ZBTB20: variants seen among roughly 807,000 people sequenced by gnomAD.
ZBTB20 encodes the protein zinc finger and BTB domain-containing protein 20.
ZBTB20 carries 9 observed loss-of-function variants against 56.9 expected under a neutral mutation model. The observed-to-expected ratio is 0.16, with a 90% CI of 0.10 to 0.28. The LOEUF (loss-of-function observed/expected upper bound fraction) is 0.28. Ranked by LOEUF, ZBTB20 falls within the 10% of genes least tolerant of loss-of-function variation. The pLI is 1.00. For synonymous variants in ZBTB20, 417 were observed against 420.7 expected (o/e 0.99, Z 0.11); for missense variants, 655 against 1,003.0 (o/e 0.65, Z 4.69).
At position 114,576,501 on chromosome 3, in the gene ZBTB20, C is replaced by CAAAAAAA. The variant is rs61714991; in HGVS notation, c.-294-76117_-294-76111dup. On this transcript the variant is annotated intron_variant, in intron 6 of 11. Coordinates refer to ENST00000675478, the MANE Select transcript of ZBTB20 (RefSeq NM_001348800.3). The stretch of plus-strand genomic sequence containing the variant: ...TGGGTGACAGAGCAAGACTCCGTCT[C>CAAAAAAA]AAAAAAAAAAAAAAAAAAAAAAAAA... 3.7e-4 allele frequency among the ~76,000 whole-genome samples: 9 copies of CAAAAAAA among 24,112 alleles called. 1 individual carries two copies. The highest frequency in any genetic ancestry group is 6.5e-4 in the Admixed American group (1 of 1,528). The allele number at this position is 24,112 out of a possible 152,430, so 15.8% of individuals were successfully genotyped here.
At chr3:114,831,854 G>A (rs1165672159) in intron 4 of ZBTB20, among the ~76,000 whole-genome samples, 1 of 151,998 alleles carries the variant, frequency 6.6e-6, no homozygotes, top group East Asian at 1.9e-4. Flanking sequence ...GAATGGGACT[G>A]TACCTCTGCC....
chr3:114,787,375 A>ACACACACACACACACAC (rs2070615154), intron 5 of ZBTB20, among the ~76,000 whole-genome samples: 1 of 143,036 alleles, frequency 7.0e-6, no homozygotes, highest in Non-Finnish European at 1.5e-5. Context: ...ATATACACAC[A>ACACACACACACACACAC]CACACACACA....
At chr3:114,843,685 A>T (rs538051189) in intron 4 of ZBTB20, among the ~76,000 whole-genome samples, 91 of 150,476 alleles carry the variant, frequency 6.0e-4, no homozygotes, top group East Asian at 9.8e-4. Context: ...ATATATATAT[A>T]TTTTTTTTTG....
rs1217505282 is a variant in ZBTB20 at position 114,319,813 on chromosome 3, T to TATATATATATATAAGCATATAC, written c.*19191_*19192insGTATATGCTTATATATATATAT. The TATATATATATATAAGCATATAC allele has an allele frequency of 0.081, 7 of 86 alleles. No homozygotes were observed. The highest frequency in any genetic ancestry group is 0.31 in the Non-Finnish European group (5 of 16). The allele number at this position is 86 out of a possible 1,614,324, so 0.0% of individuals were successfully genotyped here. A position where few individuals can be genotyped will look rare whatever the true frequency, so the allele number is the denominator to read the frequency against. On this transcript the variant is annotated 3_prime_UTR_variant, in exon 12 of 12. Transcript: ENST00000675478. ...AAAACCACTTTCTCAAGCATATACA[T>TATATATATATATAAGCATATAC]ATATATATATATATAAGCATATACA...
At chr3:115,110,675 T>C (rs2083852459) in intron 1 of ZBTB20, among the ~76,000 whole-genome samples, 1 of 152,116 alleles carries the variant, frequency 6.6e-6, no homozygotes, top group African/African-American at 2.4e-5. Context: ...AGTTTATATC[T>C]CAATGAAGAG....
Position 114,626,335 on chromosome 3 carries a change from T to A in ZBTB20, c.-295+67193A>T, listed in dbSNP as rs79045111. Among the ~76,000 whole-genome samples, 592 of 152,314 alleles carry A rather than the reference T, an allele frequency of 3.9e-3. 3 individuals carry two copies. Among genetic ancestry groups the A allele is most frequent in the African/African-American group, 0.014 (572 of 41,562 alleles). The stretch of plus-strand genomic sequence containing the variant: ...CTCTCTCTTTGAAATGGAAATAATA[T>A]TATCATCCTCATGGAATCATTGTAA... On this transcript the variant is annotated intron_variant, in intron 6 of 11. Transcript: ENST00000675478.
chr3:114,493,953 G>A (rs373162946), intron 7 of ZBTB20, among the ~76,000 whole-genome samples: 1 of 152,088 alleles, frequency 6.6e-6, no homozygotes, highest in Non-Finnish European at 1.5e-5. Context: ...TTTGGCTGAG[G>A]CTTTTAAGAC....
chr3:114,493,623 C>T (rs940296950), intron 7 of ZBTB20, among the ~76,000 whole-genome samples: 11 of 152,190 alleles, frequency 7.2e-5, no homozygotes, highest in Admixed American at 3.3e-4. Flanking sequence ...TGCCTGGAAT[C>T]CTCTTCCACC....
At chr3:114,712,594 GGT>G (rs2064166754) in intron 5 of ZBTB20, among the ~76,000 whole-genome samples, 1 of 151,194 alleles carries the variant, frequency 6.6e-6, no homozygotes, top group Non-Finnish European at 1.5e-5. Context: ...CGGAGGTTGT[GGT>G]GAGCCGAGAT....
chr3:114,944,744 T>G (rs909481991), intron 3 of ZBTB20, among the ~76,000 whole-genome samples: 1 of 145,500 alleles, frequency 6.9e-6, no homozygotes. Flanking sequence ...AGACAAATAC[T>G]GCATGATCTC....
intron 1 of ZBTB20, among the ~76,000 whole-genome samples, chr3:115,125,164 A>C (rs1251508353): frequency 6.6e-6 from 1 of 152,038 alleles, no homozygotes; most frequent in Non-Finnish European, 1.5e-5. Flanking sequence ...CAACACAGTA[A>C]GACCCCACCT....
chr3:114,350,928 C>T lies in ZBTB20; in HGVS notation c.1150G>A (p.Gly384Ser). Residue 384 changes from glycine to serine, a missense_variant, in exon 11 of 12, where the codon GGC (glycine) becomes AGC (serine). Physicochemically the swap from Gly to Ser is moderately conservative, Grantham distance 56 (BLOSUM62 0). Coordinates refer to ENST00000675478, the MANE Select transcript of ZBTB20 (RefSeq NM_001348800.3). ...TGCTCCACCGAGTCAGGCTCGGTGC[C>T]TATGGAGGAGCTGACGCCCGAGTCG... Reference protein sequence around the residue: ...SFDSGVSSSIGTEPDSVEQQF... With the variant: ...SFDSGVSSSISTEPDSVEQQF... The T allele has an allele frequency of 1.2e-6, 2 of 1,606,022 alleles. No homozygotes were observed. The highest frequency in any genetic ancestry group is 1.7e-6 in the Non-Finnish European group (2 of 1,179,872).
At chr3:114,341,852 C>G (rs916949682) in intron 11 of ZBTB20, among the ~76,000 whole-genome samples, 1 of 152,174 alleles carries the variant, frequency 6.6e-6, no homozygotes, top group Non-Finnish European at 1.5e-5. Context: ...GACTGCAACC[C>G]CTGAGGACTC....
At chr3:115,080,337 T>C (rs2082752803) in intron 1 of ZBTB20, among the ~76,000 whole-genome samples, 1 of 152,178 alleles carries the variant, frequency 6.6e-6, no homozygotes, top group South Asian at 2.1e-4. Flanking sequence ...AAGCTGTCCA[T>C]GGTCTTACAA....
chr3:115,026,988 AGCATTACCTTTT>A (rs1042906572), intron 2 of ZBTB20, among the ~76,000 whole-genome samples: 11 of 150,966 alleles, frequency 7.3e-5, no homozygotes, highest in Admixed American at 6.6e-4. Context: ...AATTTTATAT[AGCATTACCTTTT>A]CTAAAAAAAG....
At chr3:115,124,676 A>C (rs929824044) in intron 1 of ZBTB20, among the ~76,000 whole-genome samples, 6 of 152,184 alleles carry the variant, frequency 3.9e-5, no homozygotes, top group African/African-American at 1.2e-4. Flanking sequence ...AGAGCCTATA[A>C]ACAGGCCCTT....
intron 5 of ZBTB20, among the ~76,000 whole-genome samples, chr3:114,728,908 C>T (rs186008275): frequency 1.3e-5 from 2 of 151,934 alleles, no homozygotes; most frequent in Non-Finnish European, 1.5e-5. Context: ...CTTTTCATGT[C>T]CTCAGGGGAG....
chr3:115,026,884 T>C (rs911762939), intron 2 of ZBTB20, among the ~76,000 whole-genome samples: 8 of 150,750 alleles, frequency 5.3e-5, no homozygotes, highest in African/African-American at 1.7e-4. Flanking sequence ...TCACCTGTTG[T>C]CAACCACAGG....
At chr3:114,539,881 T>C (rs1302360464) in intron 6 of ZBTB20, among the ~76,000 whole-genome samples, 7 of 150,898 alleles carry the variant, frequency 4.6e-5, no homozygotes, top group Admixed American at 1.3e-4. Flanking sequence ...CTTCTCTTAG[T>C]TGTAAATTGC....
Sources: gnomAD v4.1 joint callset for allele counts (sites outside exome capture counted in the v4.1 genomes callset) on GRCh38, gnomAD v4.1.1 for gene constraint, MANE v1.5 for transcripts, NCBI Gene and HGNC (gene_info 2026-07-23, HGNC 2026-07-21) for gene names.